Variants in PDE6D observed in about 807,000 individuals in gnomAD.
PDE6D encodes the protein phosphodiesterase 6D.
PDE6D carries 10 observed loss-of-function variants against 21.9 expected under a neutral mutation model. The ratio of observed to expected loss-of-function variants is 0.46; its 90% CI spans 0.28 to 0.78. The LOEUF (loss-of-function observed/expected upper bound fraction) is 0.78. Among genes scored for constraint, PDE6D ranks in the 30% least tolerant of loss-of-function variants. The pLI, the probability that PDE6D is intolerant of heterozygous loss-of-function variation, is 0.12. For missense variants in PDE6D, 139 were observed against 184.8 expected, an observed-to-expected ratio of 0.75 and a Z score of 1.44; for synonymous variants, 59 against 63.5, an observed-to-expected ratio of 0.93 and a Z score of 0.34.
rs1414752195 is a variant in PDE6D at position 231,733,003 on chromosome 2, A to C, written c.402T>G (p.Phe134Leu). 6.2e-7 allele frequency: 1 copy of C among 1,612,052 alleles called. No homozygotes were observed. Among genetic ancestry groups the C allele is most frequent in the Admixed American group, 1.7e-5 (1 of 60,002 alleles). ...TGNVIIETKF[F>L]DDDLLVSTSR... ...ATGTGCTTACAAGAAGATCGTCGTC[A>C]AAAAACTTTGTTTCTATGATAACGT... is the stretch of plus-strand genomic sequence containing the variant. The change falls in exon 5 of 5, where the codon TTT becomes TTG. Residue 134 changes from phenylalanine to leucine, a missense_variant. Physicochemically the swap from Phe to Leu is conservative, Grantham distance 22. Coordinates refer to ENST00000287600, the MANE Select transcript of PDE6D (RefSeq NM_002601.4).
chr2:231,768,129 G>C (rs1030540413), intron 1 of PDE6D, among the ~76,000 whole-genome samples: 16 of 152,086 alleles, frequency 1.1e-4, no homozygotes, highest in African/African-American at 3.6e-4. Flanking sequence ...ACAGGTGTGA[G>C]CCACTGTATC....
At chr2:231,744,349 G>A (rs755212021) in intron 1 of PDE6D, among the ~76,000 whole-genome samples, 5 of 152,092 alleles carry the variant, frequency 3.3e-5, no homozygotes, top group Non-Finnish European at 7.4e-5. Context: ...TCAAGGGAGA[G>A]AAGTAGCTAA....
chr2:231,743,885 C>T (rs2106265584), intron 1 of PDE6D, among the ~76,000 whole-genome samples: 3 of 152,272 alleles, frequency 2.0e-5, no homozygotes, highest in South Asian at 4.1e-4. Flanking sequence ...CTCTATCAAT[C>T]CCCTCTGAGC....
At position 231,739,574 on chromosome 2, in the gene PDE6D, CA is replaced by C. The variant is rs2048730982; in HGVS notation, c.51-387del. Among the ~76,000 whole-genome samples the C allele has an allele frequency of 6.6e-6, 1 of 151,834 alleles. No individual in the cohort carries two copies. The highest frequency in any genetic ancestry group is 1.5e-5 in the Non-Finnish European group (1 of 68,006). The stretch of plus-strand genomic sequence containing the variant: ...ATGAAGATCACTCTATAGTGAATGC[CA>C]CAGTCCATAAACTTCACCCACAAGC... On this transcript the variant is annotated intron_variant, in intron 1 of 4. Coordinates refer to ENST00000287600, the MANE Select transcript of PDE6D (RefSeq NM_002601.4). The surrounding 1 kb of genome is among the most constrained non-coding windows in gnomAD (Gnocchi z 4.2).
chr2:231,771,844 G>A (rs1238440091), intron 1 of PDE6D, among the ~76,000 whole-genome samples: 1 of 152,150 alleles, frequency 6.6e-6, no homozygotes, highest in Non-Finnish European at 1.5e-5. Flanking sequence ...AGTAAGAAAG[G>A]CTGTCACCAA....
At chr2:231,765,032 A>G (rs2048958957) in intron 1 of PDE6D, among the ~76,000 whole-genome samples, 1 of 152,016 alleles carries the variant, frequency 6.6e-6, no homozygotes, top group Non-Finnish European at 1.5e-5. Context: ...AGGCCAAAGC[A>G]GGAAGACTGC....
chr2:231,769,776 C>T (rs561239635), intron 1 of PDE6D, among the ~76,000 whole-genome samples: 3 of 152,264 alleles, frequency 2.0e-5, no homozygotes, highest in African/African-American at 7.2e-5. Context: ...CATTTTTTAA[C>T]AGAGAATCAC....
chr2:231,749,027 C>T (rs1267361823), intron 1 of PDE6D, among the ~76,000 whole-genome samples: 1 of 152,152 alleles, frequency 6.6e-6, no homozygotes, highest in Admixed American at 6.5e-5. Context: ...GGTTGGAGCC[C>T]CCACACAGAG....
At chr2:231,754,334 T>A (rs1193550244) in intron 1 of PDE6D, among the ~76,000 whole-genome samples, 1 of 151,556 alleles carries the variant, frequency 6.6e-6, no homozygotes, top group Non-Finnish European at 1.5e-5. Flanking sequence ...CTTCCATTGC[T>A]GTGAGAAGAA....
At chr2:231,766,980 C>T (rs545967674) in intron 1 of PDE6D, among the ~76,000 whole-genome samples, 64 of 120,624 alleles carry the variant, frequency 5.3e-4, no homozygotes, top group African/African-American at 1.9e-3. Context: ...GGTGACAGAG[C>T]GAGACTCCGT....
At chr2:231,745,580 C>T (rs1468224894) in intron 1 of PDE6D, among the ~76,000 whole-genome samples, 2 of 152,162 alleles carry the variant, frequency 1.3e-5, no homozygotes, top group Non-Finnish European at 1.5e-5. Flanking sequence ...TAGAGGAGAT[C>T]GGGCTCTGGT....
intron 4 of PDE6D, 76 bp from the exon 5 acceptor site, chr2:231,733,109 T>C: frequency 9.7e-7 from 1 of 1,032,104 alleles, no homozygotes; most frequent in South Asian, 1.3e-5. Flanking sequence ...CACAAAGTGG[T>C]TTCCATCTGG....
At chr2:231,740,747 G>A (rs1456964950) in intron 1 of PDE6D, among the ~76,000 whole-genome samples, 1 of 145,838 alleles carries the variant, frequency 6.9e-6, no homozygotes, top group African/African-American at 2.5e-5. Context: ...AATAGTCCAA[G>A]AGTTCTAGTG....
At chr2:231,745,600 T>C (rs531619333) in intron 1 of PDE6D, among the ~76,000 whole-genome samples, 78 of 152,258 alleles carry the variant, frequency 5.1e-4, no homozygotes, top group Non-Finnish European at 9.6e-4. Flanking sequence ...TACCCTCTAA[T>C]TTGGAACCAG....
chr2:231,759,627 T>TAAA (rs2048910448), intron 1 of PDE6D, among the ~76,000 whole-genome samples: 2 of 152,152 alleles, frequency 1.3e-5, no homozygotes, highest in Non-Finnish European at 2.9e-5. Flanking sequence ...GCCAAAAACA[T>TAAA]GTTTGGGAAG....
At chr2:231,742,816 C>T (rs890260233) in intron 1 of PDE6D, among the ~76,000 whole-genome samples, 3 of 152,154 alleles carry the variant, frequency 2.0e-5, no homozygotes, top group Non-Finnish European at 4.4e-5. Flanking sequence ...GGGGTGAGCA[C>T]AAGAAGGCCT....
intron 1 of PDE6D, among the ~76,000 whole-genome samples, chr2:231,760,669 CAAG>C (rs891636973): frequency 7.2e-5 from 11 of 152,126 alleles, no homozygotes; most frequent in African/African-American, 2.4e-4. Context: ...TGGTACAAGA[CAAG>C]TAGTTCCTCT....
chr2:231,761,924 G>A (rs1286129123), intron 1 of PDE6D, among the ~76,000 whole-genome samples: 3 of 152,190 alleles, frequency 2.0e-5, no homozygotes, highest in African/African-American at 4.8e-5. Flanking sequence ...AAAGGCTCCA[G>A]GGAACTGCAG....
intron 1 of PDE6D, among the ~76,000 whole-genome samples, chr2:231,752,833 T>TTTG (rs2048851988): frequency 7.0e-6 from 1 of 142,610 alleles, no homozygotes; most frequent in Admixed American, 7.0e-5. Context: ...AGATTTGAGT[T>TTTG]TTTTTTTTTT....
Sources: gnomAD v4.1 joint callset for allele counts (sites outside exome capture counted in the v4.1 genomes callset) on GRCh38, gnomAD v4.1.1 for gene constraint, Gnocchi (gnomAD v3.1) non-coding constraint, MANE v1.5 for transcripts, NCBI Gene and HGNC (gene_info 2026-07-23, HGNC 2026-07-21) for gene names.